PROM1: variants seen among roughly 807,000 people sequenced by gnomAD.
PROM1 encodes the protein prominin 1, also known as prominin-1.
In PROM1, 105 loss-of-function variants were observed where a neutral mutation model predicts 116.9. The ratio of observed to expected loss-of-function variants is 0.90; its 90% CI spans 0.77 to 1.06. PROM1 has a LOEUF of 1.06. Among genes scored for constraint, PROM1 ranks in the 50% least tolerant of loss-of-function variants. The pLI is 0.00. For missense variants in PROM1, 1,122 were observed against 1,045.2 expected, an observed-to-expected ratio of 1.07 and a Z score of -1.01; for synonymous variants, 393 against 387.0, an observed-to-expected ratio of 1.02 and a Z score of -0.18.
At position 16,000,519 on chromosome 4, in the gene PROM1, A is replaced by C. The variant is rs757652718; in HGVS notation, c.1555T>G (p.Tyr519Asp). 20 of 1,594,310 alleles carry C rather than the reference A, an allele frequency of 1.3e-5. No individual in the cohort carries two copies. In the South Asian group the frequency reaches 2.2e-4, roughly 18 times the overall value. ...ACCCGGAATAATTCCTTGCTCGTGT[A>C]AGGTTCACAGATCAGTTTTTCCACA... ...ANVEKLICEP[Y>D]TSKELFRVLD... The change falls in exon 14 of 28, where the codon TAC becomes GAC. Residue 519 changes from tyrosine to aspartate, a missense_variant. By Grantham distance (160) the Tyr-to-Asp change is radical. Transcript: ENST00000447510.
At chr4:16,035,474 G>A (rs2149391855) in intron 4 of PROM1, among the ~76,000 whole-genome samples, 1 of 152,318 alleles carries the variant, frequency 6.6e-6, no homozygotes, top group East Asian at 1.9e-4. Context: ...CATTTCAAGA[G>A]TTCACTTCTA....
intron 23 of PROM1, among the ~76,000 whole-genome samples, chr4:15,982,664 G>T (rs890411409): frequency 6.6e-6 from 1 of 152,132 alleles, no homozygotes; most frequent in Non-Finnish European, 1.5e-5. Context: ...TATGTGGTTC[G>T]ACTGAATGGG....
chr4:16,054,182 T>A (rs1738475150), intron 2 of PROM1, among the ~76,000 whole-genome samples: 1 of 152,242 alleles, frequency 6.6e-6, no homozygotes, highest in Non-Finnish European at 1.5e-5. Context: ...TCTACCCTAC[T>A]TTTAATGAAG....
chr4:16,021,265 T>C (rs1188163861), intron 8 of PROM1, among the ~76,000 whole-genome samples: 1 of 152,222 alleles, frequency 6.6e-6, no homozygotes, highest in Non-Finnish European at 1.5e-5. Context: ...ATCTTTGAGT[T>C]ATCTTTTACC....
chr4:15,991,350 C>T (rs2149114254), intron 17 of PROM1, 57 bp from the exon 18 acceptor site: 1 of 1,189,422 alleles, frequency 8.4e-7, no homozygotes. Flanking sequence ...AGCCTTAACA[C>T]AACATCTAGT....
chr4:16,054,972 C>T (rs1738678319), intron 2 of PROM1, among the ~76,000 whole-genome samples: 1 of 152,206 alleles, frequency 6.6e-6, no homozygotes, highest in South Asian at 2.1e-4. Context: ...GATCCACTGG[C>T]TTACATGTTC....
Position 15,998,612 on chromosome 4 carries a change from G to A in PROM1, c.1579-124C>T, listed in dbSNP as rs186519704. The A allele has an allele frequency of 2.6e-3, 2,788 of 1,063,408 alleles. 2 individuals are homozygous for A. Among genetic ancestry groups the A allele is most frequent in the Non-Finnish European group, 3.1e-3 (2,511 of 809,988 alleles). 65.9% of individuals were successfully genotyped at this position (1,063,408 alleles called of 1,614,324 possible). On this transcript the variant is annotated intron_variant, in intron 14 of 27. Transcript: ENST00000447510. ...TTTTCATAACATTATTTTTCTGGTTGATTTCCAACTTATAACTAGAAAATA... is the reference window on the plus strand; with the variant it reads ...TTTTCATAACATTATTTTTCTGGTTAATTTCCAACTTATAACTAGAAAATA...
intron 18 of PROM1, among the ~76,000 whole-genome samples, chr4:15,990,797 G>A (rs1720786107): frequency 6.6e-6 from 1 of 152,214 alleles, no homozygotes; most frequent in Non-Finnish European, 1.5e-5. Flanking sequence ...GCAACACTGG[G>A]AAGTTACCAC....
intron 2 of PROM1, among the ~76,000 whole-genome samples, chr4:16,042,834 A>G (rs772077766): frequency 1.3e-5 from 2 of 152,166 alleles, no homozygotes; most frequent in African/African-American, 2.4e-5. Context: ...TTCACCCTAT[A>G]CATCAACGGA....
rs772552632 is a variant in PROM1, at chr4:15,994,038, A to G, written c.1716T>C (p.Thr572=). 1.2e-6 allele frequency: 2 copies of G among 1,614,028 alleles called. No homozygotes were observed. Among genetic ancestry groups the G allele is most frequent in the Non-Finnish European group, 8.5e-7 (1 of 1,179,882 alleles). Residue 572 remains threonine, a synonymous_variant, in exon 16 of 28, where the codon ACT becomes ACC. Coordinates refer to ENST00000447510, the MANE Select transcript of PROM1 (RefSeq NM_006017.3). ...TATTGAAGCTGTTCTGCAGGTGAAG[A>G]GTGCCGTAAGTGCCTCTATTTTTTT... ...DCKKNRGTYG[T]LHLQNSFNIS...
intron 16 of PROM1, 72 bp from the exon 17 acceptor site, chr4:15,992,463 G>C (rs1721309541): frequency 2.0e-6 from 3 of 1,513,218 alleles, no homozygotes; most frequent in Middle Eastern, 3.6e-4. Context: ...CTTTAAAAGA[G>C]CAATAAAAGC....
intron 4 of PROM1, among the ~76,000 whole-genome samples, chr4:16,034,890 T>C (rs1361354209): frequency 6.6e-6 from 1 of 152,184 alleles, no homozygotes; most frequent in African/African-American, 2.4e-5. Context: ...ATAAACATAT[T>C]GTGAGGGACA....
chr4:16,051,557 G>A (rs1260329689), intron 2 of PROM1, among the ~76,000 whole-genome samples: 4 of 152,184 alleles, frequency 2.6e-5, no homozygotes, highest in African/African-American at 4.8e-5. Context: ...TTGATTTTAC[G>A]CTACAAGATG....
chr4:16,036,921 T>C (rs564258208), intron 3 of PROM1, among the ~76,000 whole-genome samples: 1 of 152,300 alleles, frequency 6.6e-6, no homozygotes, highest in South Asian at 2.1e-4. Context: ...GTGGGCTCAG[T>C]TCTGCATCTT....
At position 16,028,774 on chromosome 4, in the gene PROM1, T is replaced by C. The variant is rs373375524; in HGVS notation, c.510-3462A>G. On this transcript the variant is annotated intron_variant, in intron 5 of 27. Transcript: ENST00000447510. ...CAGTGAATATCAGTTCTCTGGCATT[T>C]GACATAAATGCCTTTAAACAATCTA... Among the ~76,000 whole-genome samples, 267 of 152,344 alleles carry C rather than the reference T, an allele frequency of 1.8e-3. 2 individuals are homozygous for C. The South Asian group carries it at 0.019, about 11-fold the overall frequency.
intron 23 of PROM1, among the ~76,000 whole-genome samples, chr4:15,981,384 C>T (rs538465387): frequency 6.6e-6 from 1 of 151,700 alleles, no homozygotes; most frequent in Non-Finnish European, 1.5e-5. Context: ...TTCTGGCCAA[C>T]GTAGTGAAAC....
intron 1 of PROM1, chr4:16,083,374 G>A (rs1464060404): frequency 6.8e-6 from 1 of 147,850 alleles, no homozygotes; most frequent in Non-Finnish European, 1.5e-5. Flanking sequence ...ATGGAAAGAA[G>A]ACCCAAGCGG....
intron 26 of PROM1, among the ~76,000 whole-genome samples, chr4:15,977,833 C>T (rs1301469993): frequency 6.6e-6 from 1 of 152,162 alleles, no homozygotes; most frequent in Admixed American, 6.5e-5. Flanking sequence ...CTCCTGACCT[C>T]GTGATCCACC....
At chr4:16,030,039 C>T (rs892484759) in intron 5 of PROM1, among the ~76,000 whole-genome samples, 1 of 152,122 alleles carries the variant, frequency 6.6e-6, no homozygotes, top group African/African-American at 2.4e-5. Context: ...TGTCTAACTA[C>T]TCATAATAGA....
Sources: gnomAD v4.1 joint callset for allele counts (sites outside exome capture counted in the v4.1 genomes callset) on GRCh38, gnomAD v4.1.1 for gene constraint, MANE v1.5 for transcripts, NCBI Gene and HGNC (gene_info 2026-07-23, HGNC 2026-07-21) for gene names.